The following TNR variants were observed in gnomAD, a reference collection of about 807,000 sequenced individuals.
TNR encodes tenascin-R.
A neutral mutation model predicts 150.4 loss-of-function variants in TNR; 45 were observed. The observed-to-expected ratio is 0.30, with a 90% confidence interval of 0.24 to 0.38. The LOEUF (loss-of-function observed/expected upper bound fraction) is 0.38. Among genes scored for constraint, TNR ranks in the 10% least tolerant of loss-of-function variants. The probability of loss-of-function intolerance (pLI) is 1.00; values close to 1 mark genes in which losing one functional copy is unlikely to be tolerated. For missense variants in TNR, 1,544 were observed against 1,759.1 expected (o/e 0.88, Z 2.19); for synonymous variants, 687 against 678.4 (o/e 1.01, Z -0.20).
intron 2 of TNR, among the ~76,000 whole-genome samples, chr1:175,520,495 CT>C (rs893750690): frequency 2.6e-5 from 4 of 152,234 alleles, no homozygotes; most frequent in African/African-American, 4.8e-5. Flanking sequence ...ACCTGGCCAA[CT>C]TCACAAATAG....
intron 1 of TNR, among the ~76,000 whole-genome samples, chr1:175,674,662 C>T (rs1033173659): frequency 6.6e-6 from 1 of 152,120 alleles, no homozygotes; most frequent in African/African-American, 2.4e-5. Context: ...GCTTGTTCAC[C>T]CTACAGTAGC....
At chr1:175,399,908 T>C (rs772986938) in intron 4 of TNR, among the ~76,000 whole-genome samples, 26 of 152,164 alleles carry the variant, frequency 1.7e-4, no homozygotes, top group Non-Finnish European at 3.4e-4. Flanking sequence ...CTCCAAAGAG[T>C]AAGTGGTTTC....
intron 2 of TNR, among the ~76,000 whole-genome samples, chr1:175,468,230 T>G (rs1657119043): frequency 1.3e-5 from 2 of 151,948 alleles, no homozygotes; most frequent in African/African-American, 2.4e-5. Context: ...TGGGATGGAG[T>G]GTAGATGTGG....
chr1:175,604,461 A>G (rs887891705), intron 1 of TNR, among the ~76,000 whole-genome samples: 1 of 152,174 alleles, frequency 6.6e-6, no homozygotes, highest in Non-Finnish European at 1.5e-5. Context: ...ACAGTTGGGA[A>G]GACTCGGGCC....
chr1:175,393,445 A>G (rs1041641422), intron 6 of TNR, among the ~76,000 whole-genome samples: 3 of 152,122 alleles, frequency 2.0e-5, no homozygotes, highest in African/African-American at 7.2e-5. Context: ...AGAAGCCTCA[A>G]TTTTTTCAGG....
chr1:175,431,936 C>CCTTCTCTCTCTCTCTCTCT (rs1655289440), intron 2 of TNR, among the ~76,000 whole-genome samples: 7 of 52,348 alleles, frequency 1.3e-4, no homozygotes, highest in African/African-American at 5.8e-4. Context: ...TCTCTCTCTC[C>CCTTCTCTCTCTCTCTCTCT]CTCTGTCTCT....
At chr1:175,558,683 G>T (rs1174550507) in intron 1 of TNR, among the ~76,000 whole-genome samples, 3 of 152,118 alleles carry the variant, frequency 2.0e-5, no homozygotes, top group African/African-American at 7.2e-5. Context: ...CTCTTCCATA[G>T]GAAAAATTTT....
At chr1:175,561,773 C>T (rs1661437408) in intron 1 of TNR, among the ~76,000 whole-genome samples, 2 of 152,146 alleles carry the variant, frequency 1.3e-5, no homozygotes, top group South Asian at 4.1e-4. Context: ...CATTTCTTCC[C>T]ACATTAGAGC....
intron 2 of TNR, among the ~76,000 whole-genome samples, chr1:175,430,921 A>T (rs879912203): frequency 1.3e-5 from 2 of 152,174 alleles, no homozygotes; most frequent in Admixed American, 1.3e-4. Context: ...GGAAAGGAAA[A>T]TTTTGTTTTA....
intron 2 of TNR, among the ~76,000 whole-genome samples, chr1:175,481,244 A>AAATG (rs1051810440): frequency 1.3e-5 from 2 of 152,248 alleles, no homozygotes; most frequent in African/African-American, 2.4e-5. Context: ...ATGAGTGAAC[A>AAATG]AATGAATGAA....
chr1:175,654,461 G>A (rs1196990514), intron 1 of TNR, among the ~76,000 whole-genome samples: 1 of 152,134 alleles, frequency 6.6e-6, no homozygotes. Flanking sequence ...GTAACATCGC[G>A]CTCTCCCATG....
At chr1:175,499,974 G>T (rs911928062) in intron 2 of TNR, among the ~76,000 whole-genome samples, 2 of 152,152 alleles carry the variant, frequency 1.3e-5, no homozygotes, top group African/African-American at 4.8e-5. Context: ...CAATGCCTAT[G>T]GTTGTGTCCA....
At chr1:175,645,102 G>A (rs1490778719) in intron 1 of TNR, among the ~76,000 whole-genome samples, 1 of 152,072 alleles carries the variant, frequency 6.6e-6, no homozygotes, top group East Asian at 1.9e-4. Flanking sequence ...AATTTTAGCT[G>A]AGAAGATTAA....
intron 2 of TNR, among the ~76,000 whole-genome samples, chr1:175,500,779 C>T (rs1438514461): frequency 2.6e-5 from 4 of 152,206 alleles, no homozygotes; most frequent in African/African-American, 9.6e-5. Flanking sequence ...AGGGGCTGGA[C>T]AGAAGAGGTC....
intron 1 of TNR, among the ~76,000 whole-genome samples, chr1:175,639,591 C>A (rs1234074811): frequency 3.9e-5 from 6 of 152,104 alleles, no homozygotes. Flanking sequence ...GACACCTTGC[C>A]CGGCAGCCAC....
At chr1:175,606,340 C>T (rs1444368809) in intron 1 of TNR, among the ~76,000 whole-genome samples, 2 of 152,156 alleles carry the variant, frequency 1.3e-5, no homozygotes, top group Non-Finnish European at 2.9e-5. Context: ...AGAAGCCAGA[C>T]TCTGGACAGA....
chr1:175,642,495 G>A lies in TNR; in HGVS notation c.-165+100731C>T, dbSNP rs796739683. ...ACTAAAGTGGTTTAAGTTGAGGAGT[G>A]ACATGGTCATAGTTACAGTCTATGT... On this transcript the variant is annotated intron_variant, in intron 1 of 22. Coordinates refer to ENST00000367674, the MANE Select transcript of TNR (RefSeq NM_003285.3). Among the ~76,000 whole-genome samples, 29 of 152,338 alleles carry A rather than the reference G, an allele frequency of 1.9e-4. 1 individual carries two copies. The highest frequency in any genetic ancestry group is 6.0e-4 in the African/African-American group (25 of 41,580).
At chr1:175,615,919 C>T (rs533762637) in intron 1 of TNR, among the ~76,000 whole-genome samples, 2 of 152,208 alleles carry the variant, frequency 1.3e-5, no homozygotes, top group Admixed American at 6.5e-5. Context: ...TATTTAATGA[C>T]GTTCCATGCT....
chr1:175,648,224 C>G (rs1298366548), intron 1 of TNR, among the ~76,000 whole-genome samples: 1 of 152,014 alleles, frequency 6.6e-6, no homozygotes, highest in Admixed American at 6.6e-5. Context: ...AGGACAATGC[C>G]GCAGCTATGT....
Sources: allele counts gnomAD v4.1 joint callset (sites outside exome capture counted in the v4.1 genomes callset), GRCh38; gene constraint gnomAD v4.1.1; transcripts MANE v1.5; gene names NCBI Gene and HGNC (gene_info 2026-07-23, HGNC 2026-07-21).